Variants in SPAG16 observed in about 807,000 individuals in gnomAD.
The protein encoded by SPAG16 is sperm associated antigen 16.
Under a neutral mutation model 80.4 loss-of-function variants are expected in SPAG16, and 86 were observed. The observed-to-expected ratio is 1.07, with a 90% CI of 0.90 to 1.28. The LOEUF is 1.28. SPAG16 is among the 50% of genes most tolerant of loss of function. SPAG16 has a pLI of 0.00. For synonymous variants in SPAG16, 294 were observed against 265.9 expected, an observed-to-expected ratio of 1.11 and a Z score of -1.03; for missense variants, 870 against 765.3, an observed-to-expected ratio of 1.14 and a Z score of -1.61.
chr2:213,372,410 G>A (rs1337943476), intron 8 of SPAG16, among the ~76,000 whole-genome samples: 1 of 152,048 alleles, frequency 6.6e-6, no homozygotes, highest in Non-Finnish European at 1.5e-5. Context: ...GTCATATATA[G>A]TAAAGCAAAG....
At chr2:214,380,774 A>G (rs2126107139) in intron 15 of SPAG16, among the ~76,000 whole-genome samples, 1 of 152,376 alleles carries the variant, frequency 6.6e-6, no homozygotes, top group African/African-American at 2.4e-5. Context: ...CAGCAGCAGT[A>G]TGCTGAACAT....
chr2:213,649,012 T>C (rs1377527813), intron 10 of SPAG16, among the ~76,000 whole-genome samples: 1 of 152,224 alleles, frequency 6.6e-6, no homozygotes, highest in Non-Finnish European at 1.5e-5. Context: ...AATTGATACA[T>C]GTATGTGTTG....
chr2:214,183,295 C>T (rs2032779), intron 15 of SPAG16, among the ~76,000 whole-genome samples: 152,028 of 152,052 alleles, frequency 1, 76,002 homozygotes, highest in Non-Finnish European at 1. Context: ...CTATTATAGA[C>T]AGACTTTCAC....
rs188637129 is a variant in SPAG16, at chr2:213,605,965, C to A, written c.1070+115875C>A. Among the ~76,000 whole-genome samples the A allele has an allele frequency of 1.4e-4, 22 of 152,240 alleles. No homozygotes were observed. The East Asian group carries it at 4.1e-3, about 28-fold the overall frequency. ...ACTGCAATTTTTTTCATGGTTCTTT[C>A]CAGATGGCATCCTCTATGGGTAACC... is the stretch of plus-strand genomic sequence containing the variant. On this transcript the variant is annotated intron_variant, in intron 10 of 15. Transcript: ENST00000331683.
At chr2:214,014,812 C>T (rs1559693763) in intron 13 of SPAG16, among the ~76,000 whole-genome samples, 1 of 152,130 alleles carries the variant, frequency 6.6e-6, no homozygotes, top group Admixed American at 6.6e-5. Context: ...GTGACATAAT[C>T]GGATTTACCT....
chr2:214,262,837 C>A (rs1361746778), intron 15 of SPAG16, among the ~76,000 whole-genome samples: 1 of 152,028 alleles, frequency 6.6e-6, no homozygotes, highest in Non-Finnish European at 1.5e-5. Flanking sequence ...TTACTGTAAT[C>A]ATTCTTTACC....
At chr2:213,717,155 C>CTTTT (rs1339762204) in intron 10 of SPAG16, among the ~76,000 whole-genome samples, 3 of 139,166 alleles carry the variant, frequency 2.2e-5, no homozygotes, top group Non-Finnish European at 1.6e-5. Context: ...AGAAACTTTT[C>CTTTT]ATTTTTTTTT....
intron 12 of SPAG16, among the ~76,000 whole-genome samples, chr2:213,976,088 G>C (rs965805383): frequency 1.4e-5 from 2 of 142,572 alleles, no homozygotes; most frequent in Admixed American, 7.1e-5. Context: ...CTAAGAGTGA[G>C]TGATCTAAGA....
chr2:213,637,122 T>C (rs1013162000), intron 10 of SPAG16, among the ~76,000 whole-genome samples: 2 of 152,212 alleles, frequency 1.3e-5, no homozygotes, highest in African/African-American at 2.4e-5. Flanking sequence ...CCTTAAGTTA[T>C]GTCCCTTCTA....
chr2:213,395,936 A>T (rs1008700865), intron 9 of SPAG16, among the ~76,000 whole-genome samples: 2 of 152,242 alleles, frequency 1.3e-5, no homozygotes, highest in South Asian at 4.1e-4. Flanking sequence ...CTGTTTCAAC[A>T]CAATTATATG....
At chr2:213,578,669 A>T (rs771522354) in intron 10 of SPAG16, among the ~76,000 whole-genome samples, 9 of 152,124 alleles carry the variant, frequency 5.9e-5, no homozygotes, top group Non-Finnish European at 7.4e-5. Context: ...GCTAAAATCA[A>T]GTGTAAAATG....
chr2:213,985,518 A>C (rs1171778908), intron 12 of SPAG16, among the ~76,000 whole-genome samples: 4 of 152,122 alleles, frequency 2.6e-5, no homozygotes, highest in African/African-American at 9.7e-5. Flanking sequence ...CTTGATAAAA[A>C]TTTATATTAT....
intron 9 of SPAG16, among the ~76,000 whole-genome samples, chr2:213,437,066 C>T (rs1282216277): frequency 6.6e-6 from 1 of 152,206 alleles, no homozygotes; most frequent in African/African-American, 2.4e-5. Flanking sequence ...CACCCACCAC[C>T]GCGCCCGGCT....
chr2:213,971,419 A>C (rs2106380745), intron 12 of SPAG16, among the ~76,000 whole-genome samples: 1 of 152,284 alleles, frequency 6.6e-6, no homozygotes, highest in South Asian at 2.1e-4. Context: ...TATATCTGCC[A>C]TCTTTTGATT....
chr2:213,750,171 G>A (rs1559435817), intron 10 of SPAG16, among the ~76,000 whole-genome samples: 1 of 152,052 alleles, frequency 6.6e-6, no homozygotes, highest in Non-Finnish European at 1.5e-5. Flanking sequence ...TTGTTAAGGT[G>A]GTAAACACAG....
intron 15 of SPAG16, among the ~76,000 whole-genome samples, chr2:214,180,063 T>C (rs1032994526): frequency 6.6e-6 from 1 of 151,572 alleles, no homozygotes; most frequent in Non-Finnish European, 1.5e-5. Context: ...TTCTGCATCT[T>C]TCATCCCTCC....
intron 15 of SPAG16, among the ~76,000 whole-genome samples, chr2:214,199,376 G>A (rs111326325): frequency 6.6e-5 from 10 of 151,984 alleles, no homozygotes; most frequent in African/African-American, 2.4e-4. Flanking sequence ...TCCCCAATTT[G>A]TGTTTTTGTT....
At chr2:213,319,891 TCTTA>T (rs2063544815) in intron 5 of SPAG16, among the ~76,000 whole-genome samples, 1 of 151,968 alleles carries the variant, frequency 6.6e-6, no homozygotes. Flanking sequence ...AAACATCTTG[TCTTA>T]CTAACATATC....
intron 10 of SPAG16, among the ~76,000 whole-genome samples, chr2:213,614,308 A>G (rs1364250923): frequency 6.6e-6 from 1 of 152,224 alleles, no homozygotes; most frequent in Non-Finnish European, 1.5e-5. Context: ...AGGGATACAA[A>G]TGGCATAATA....
Sources: gnomAD v4.1 joint callset for allele counts (sites outside exome capture counted in the v4.1 genomes callset) on GRCh38, gnomAD v4.1.1 for gene constraint, MANE v1.5 for transcripts, NCBI Gene and HGNC (gene_info 2026-07-23, HGNC 2026-07-21) for gene names.